Variants in LEPROT observed in about 807,000 individuals in gnomAD.
LEPROT encodes the protein leptin receptor overlapping transcript.
A neutral mutation model predicts 15.4 loss-of-function variants in LEPROT; 3 were observed. The observed-to-expected ratio is 0.19, with a 90% CI of 0.09 to 0.50. The LOEUF (loss-of-function observed/expected upper bound fraction) is 0.50. LEPROT is among the 20% of genes least tolerant of loss of function. LEPROT has a pLI of 0.97. For synonymous variants in LEPROT, 59 were observed against 57.5 expected, an observed-to-expected ratio of 1.03 and a Z score of -0.12; for missense variants, 137 against 162.2, an observed-to-expected ratio of 0.84 and a Z score of 0.84.
intron 3 of LEPROT, among the ~76,000 whole-genome samples, chr1:65,431,059 C>T (rs1646475379): frequency 1.3e-5 from 2 of 152,144 alleles, no homozygotes; most frequent in South Asian, 4.1e-4. Flanking sequence ...ACCTGATTAG[C>T]AATGGTCTTG....
intron 1 of LEPROT, among the ~76,000 whole-genome samples, chr1:65,425,093 TA>T (rs1165649819): frequency 6.6e-6 from 1 of 152,228 alleles, no homozygotes; most frequent in Non-Finnish European, 1.5e-5. Context: ...TCACATACCA[TA>T]AAATTAACAT....
chr1:65,426,279 A>G (rs1292396381), intron 2 of LEPROT, among the ~76,000 whole-genome samples: 1 of 152,202 alleles, frequency 6.6e-6, no homozygotes, highest in East Asian at 1.9e-4. Flanking sequence ...CACATGGTAC[A>G]TTATGGTACA....
chr1:65,435,158 C>A lies in LEPROT; in HGVS notation c.*3239C>A. On this transcript the variant is annotated 3_prime_UTR_variant, in exon 4 of 4. Transcript: ENST00000371065. ...CCTCATCTCTTCCTCAGGAGGAGTT[C>A]TGAGCTGGTCCTGCTTTTCATAGTT... The A allele has an allele frequency of 1.0e-6, 1 of 985,352 alleles. No homozygotes were observed. Among genetic ancestry groups the A allele is most frequent in the Non-Finnish European group, 1.2e-6 (1 of 829,924 alleles). 61.0% of individuals were successfully genotyped at this position (985,352 alleles called of 1,614,324 possible).
chr1:65,421,479 C>A (rs1197823670), intron 1 of LEPROT: 2 of 1,536,058 alleles, frequency 1.3e-6, no homozygotes, highest in South Asian at 2.4e-5. Context: ...CATTCCATTT[C>A]TAATCTGTCG....
chr1:65,435,178 A>G lies in LEPROT; in HGVS notation c.*3259A>G. The G allele has an allele frequency of 2.0e-6, 2 of 985,284 alleles. No homozygotes were observed. Among genetic ancestry groups the G allele is most frequent in the African/African-American group, 1.7e-5 (1 of 57,306 alleles). 61.0% of individuals were successfully genotyped at this position (985,284 alleles called of 1,614,324 possible). On this transcript the variant is annotated 3_prime_UTR_variant, in exon 4 of 4. Coordinates refer to ENST00000371065, the MANE Select transcript of LEPROT (RefSeq NM_017526.5). ...GAGTTCTGAGCTGGTCCTGCTTTTC[A>G]TAGTTGTTTCTTTTCTTCCACTTAA... is the stretch of plus-strand genomic sequence containing the variant.
At chr1:65,430,772 G>A (rs1369529864) in intron 3 of LEPROT, among the ~76,000 whole-genome samples, 1 of 151,682 alleles carries the variant, frequency 6.6e-6, no homozygotes, top group Admixed American at 6.6e-5. Context: ...CTGCTCCTGA[G>A]GAACACAGAA....
chr1:65,421,596 T>C (rs1468693806), intron 1 of LEPROT: 2 of 971,500 alleles, frequency 2.1e-6, no homozygotes, highest in Non-Finnish European at 3.1e-6. Flanking sequence ...AGATAGTATA[T>C]ATACGAGTAC....
Position 65,420,708 on chromosome 1 carries a change from G to T in LEPROT, c.-17G>T. 1 of 1,580,130 alleles carries T rather than the reference G, an allele frequency of 6.3e-7. No homozygotes were observed. Among genetic ancestry groups the T allele is most frequent in the Non-Finnish European group, 8.6e-7 (1 of 1,165,322 alleles). ...TGGCAGGAAGCCGGAAGCAGCCGCG[G>T]CCCCAGTTCGGGAGACATGGCGGGC... On this transcript the variant is annotated 5_prime_UTR_variant, in exon 1 of 4. Coordinates refer to ENST00000371065, the MANE Select transcript of LEPROT (RefSeq NM_017526.5).
intron 1 of LEPROT, among the ~76,000 whole-genome samples, chr1:65,424,441 G>A (rs1223317158): frequency 6.6e-6 from 1 of 152,168 alleles, no homozygotes; most frequent in Non-Finnish European, 1.5e-5. Context: ...TCCTTCACTG[G>A]AGTTATGTGG....
At chr1:65,422,389 TCCCTACAG>T (rs1646268638) in intron 1 of LEPROT, among the ~76,000 whole-genome samples, 1 of 152,076 alleles carries the variant, frequency 6.6e-6, no homozygotes, top group Admixed American at 6.5e-5. Context: ...GAAGGGTGCT[TCCCTACAG>T]CCTTCAGAGG....
In LEPROT at chr1:65,425,354, T is replaced by C; in HGVS notation, c.68T>C (p.Leu23Pro). The C allele has an allele frequency of 6.2e-7, 1 of 1,606,266 alleles. No individual in the cohort carries two copies. Among genetic ancestry groups the C allele is most frequent in the Non-Finnish European group, 8.5e-7 (1 of 1,178,294 alleles). The change falls in exon 2 of 4, where the codon CTG becomes CCG. Residue 23 changes from leucine to proline, a missense_variant. Transcript: ENST00000371065. ...GCTATTGGACTGACTTTTCTTATGC[T>C]GGGATGTGCCTTAGAGGATTATGGG... ...SGAIGLTFLM[L>P]GCALEDYGVY...
intron 1 of LEPROT, among the ~76,000 whole-genome samples, chr1:65,424,321 A>G (rs544201330): frequency 2.1e-4 from 32 of 152,232 alleles, no homozygotes; most frequent in Non-Finnish European, 4.0e-4. Flanking sequence ...CAAAATGATC[A>G]AAGGTATATA....
In LEPROT at chr1:65,433,726, A is replaced by T; in HGVS notation, c.*1807A>T. 1 of 917,846 alleles carries T rather than the reference A, an allele frequency of 1.1e-6. No individual in the cohort carries two copies. Among genetic ancestry groups the T allele is most frequent in the Non-Finnish European group, 1.3e-6 (1 of 768,642 alleles). The allele number at this position is 917,846 out of a possible 1,614,324, so 56.9% of individuals were successfully genotyped here. A position where few individuals can be genotyped will look rare whatever the true frequency, so the allele number is the denominator to read the frequency against. ...TTTATATTAGAAAAATTATTTAGAT[A>T]CTTTATAATTTTAACCGGCATTTTT... On this transcript the variant is annotated 3_prime_UTR_variant, in exon 4 of 4. Transcript: ENST00000371065.
At chr1:65,420,852 TC>T in intron 1 of LEPROT, 112 bp downstream of exon 1, 1 of 1,288,518 alleles carries the variant, frequency 7.8e-7, no homozygotes, top group Non-Finnish European at 1.1e-6. Context: ...TCACCACCCT[TC>T]CCGCCTCTCC....
intron 2 of LEPROT, among the ~76,000 whole-genome samples, chr1:65,428,438 A>C (rs1646422135): frequency 6.6e-6 from 1 of 152,168 alleles, no homozygotes; most frequent in South Asian, 2.1e-4. Flanking sequence ...GAAGTAGAGA[A>C]TGTCTAAGGG....
At chr1:65,426,409 C>A (rs1027266256) in intron 2 of LEPROT, among the ~76,000 whole-genome samples, 3 of 152,018 alleles carry the variant, frequency 2.0e-5, no homozygotes, top group Admixed American at 2.0e-4. Context: ...ACAATAGAAC[C>A]TGGGAAAATA....
chr1:65,426,537 A>ATAAATCAAGC (rs1646374956), intron 2 of LEPROT, among the ~76,000 whole-genome samples: 1 of 152,278 alleles, frequency 6.6e-6, no homozygotes, highest in South Asian at 2.1e-4. Context: ...GACTACTATC[A>ATAAATCAAGC]TAAATCAAGC....
At chr1:65,430,695 A>G (rs912669074) in intron 3 of LEPROT, among the ~76,000 whole-genome samples, 3 of 152,210 alleles carry the variant, frequency 2.0e-5, no homozygotes, top group African/African-American at 7.2e-5. Context: ...AGTCTTGTTC[A>G]TTCAATAAAT....
rs990463181 is a variant in LEPROT, at chr1:65,433,682, A to G, written c.*1763A>G. 12 of 981,642 alleles carry G rather than the reference A, an allele frequency of 1.2e-5. No homozygotes were observed. The highest frequency in any genetic ancestry group is 1.8e-5 in the African/African-American group (1 of 57,096). 60.8% of individuals were successfully genotyped at this position (981,642 alleles called of 1,614,324 possible). On this transcript the variant is annotated 3_prime_UTR_variant, in exon 4 of 4. Coordinates refer to ENST00000371065, the MANE Select transcript of LEPROT (RefSeq NM_017526.5). ...TGTCCTGTGTACATATAGAATTGTT[A>G]AAGTTGTCATTTCCAATATTTATAT...
Sources: allele counts gnomAD v4.1 joint callset (sites outside exome capture counted in the v4.1 genomes callset), GRCh38; gene constraint gnomAD v4.1.1; transcripts MANE v1.5; gene names NCBI Gene and HGNC (gene_info 2026-07-23, HGNC 2026-07-21).